Variants in L2HGDH observed in about 807,000 individuals in gnomAD.
L2HGDH encodes L-2-hydroxyglutarate dehydrogenase, mitochondrial.
Under a neutral mutation model 51.5 loss-of-function variants are expected in L2HGDH, and 34 were observed. The ratio of observed to expected loss-of-function variants is 0.66; its 90% CI spans 0.50 to 0.88. The LOEUF (loss-of-function observed/expected upper bound fraction) is 0.88, where lower values mean the gene tolerates loss of function less well. L2HGDH is among the 40% of genes least tolerant of loss of function. L2HGDH has a pLI of 0.00. For synonymous variants in L2HGDH, 198 were observed against 197.9 expected (o/e 1.00, Z -0.01); for missense variants, 558 against 571.9 (o/e 0.98, Z 0.25).
At chr14:50,249,661 A>T (rs146947562) in intron 9 of L2HGDH, among the ~76,000 whole-genome samples, 1 of 152,254 alleles carries the variant, frequency 6.6e-6, no homozygotes, top group African/African-American at 2.4e-5. Context: ...ATACCCAAGG[A>T]GTGCGTCATG....
chr14:50,302,280 C>A (rs1240539599), intron 2 of L2HGDH, 112 bp from the exon 3 acceptor site: 2 of 1,174,498 alleles, frequency 1.7e-6, no homozygotes, highest in Non-Finnish European at 2.5e-6. Flanking sequence ...ATGTAAAATT[C>A]TGCCTGAATT....
chr14:50,301,395 A>G (rs1463262338), intron 3 of L2HGDH, among the ~76,000 whole-genome samples: 1 of 152,170 alleles, frequency 6.6e-6, no homozygotes, highest in African/African-American at 2.4e-5. Context: ...AGCATTATCC[A>G]TAATAGCCAA....
intron 6 of L2HGDH, among the ~76,000 whole-genome samples, chr14:50,278,165 T>C (rs1472651139): frequency 6.6e-6 from 1 of 152,196 alleles, no homozygotes; most frequent in Non-Finnish European, 1.5e-5. Flanking sequence ...AAGCAGTCCA[T>C]CTCCCTCTGG....
chr14:50,257,326 T>C (rs868775373), intron 9 of L2HGDH, among the ~76,000 whole-genome samples: 1 of 152,120 alleles, frequency 6.6e-6, no homozygotes, highest in Non-Finnish European at 1.5e-5. Context: ...CCTCTTAAGG[T>C]AGGTCTAACC....
At chr14:50,297,612 A>G (rs562233346) in intron 3 of L2HGDH, among the ~76,000 whole-genome samples, 36 of 152,370 alleles carry the variant, frequency 2.4e-4, no homozygotes, top group African/African-American at 7.7e-4. Context: ...GCTACAGAAT[A>G]TATATTCTTC....
chr14:50,304,849 G>A (rs1244477163), intron 1 of L2HGDH, among the ~76,000 whole-genome samples: 1 of 151,860 alleles, frequency 6.6e-6, no homozygotes, highest in African/African-American at 2.4e-5. Context: ...AAAAAATTTA[G>A]AACAACCATG....
intron 7 of L2HGDH, 127 bp downstream of exon 7, chr14:50,269,036 T>A: frequency 1.3e-6 from 1 of 749,038 alleles, no homozygotes; most frequent in Non-Finnish European, 2.3e-6. Context: ...GAGAAACCGA[T>A]GAAATGCTTA....
At chr14:50,253,695 G>C (rs1276976737) in intron 9 of L2HGDH, among the ~76,000 whole-genome samples, 4 of 152,072 alleles carry the variant, frequency 2.6e-5, no homozygotes, top group Non-Finnish European at 1.5e-5. Context: ...ATACCCAAAA[G>C]AAAGGAAATC....
At position 50,245,520 on chromosome 14, in the gene L2HGDH, A is replaced by G; in HGVS notation, c.*1538T>C. ...TTCCTACAAATATTATAATTAAGAT[A>G]GAAACTTATTCAAACTACTCAAAAA... On this transcript the variant is annotated 3_prime_UTR_variant, in exon 10 of 10. Transcript: ENST00000267436. The G allele has an allele frequency of 6.2e-6, 6 of 972,088 alleles. No homozygotes were observed. The highest frequency in any genetic ancestry group is 7.3e-6 in the Non-Finnish European group (6 of 817,772). The allele number at this position is 972,088 out of a possible 1,614,324, so 60.2% of individuals were successfully genotyped here. A position where few individuals can be genotyped will look rare whatever the true frequency, so the allele number is the denominator to read the frequency against.
chr14:50,307,573 T>C (rs1157671629), intron 1 of L2HGDH, among the ~76,000 whole-genome samples: 1 of 152,208 alleles, frequency 6.6e-6, no homozygotes, highest in Non-Finnish European at 1.5e-5. Flanking sequence ...TTTCTTAAGC[T>C]TTTTATGGAA....
chr14:50,280,683 T>A lies in L2HGDH; in HGVS notation c.704-2129A>T, dbSNP rs552060408. On this transcript the variant is annotated intron_variant, in intron 5 of 9. Transcript: ENST00000267436. ...ATTATTTTATTTAATTAAAAAAAAA[T>A]TTTTATGTTTAGTAAAGATGGGGTC... Among the ~76,000 whole-genome samples, 12 of 152,148 alleles carry A rather than the reference T, an allele frequency of 7.9e-5. No homozygotes were observed. The East Asian group carries it at 1.7e-3, about 22-fold the overall frequency.
At chr14:50,280,381 G>T (rs1300313882) in intron 5 of L2HGDH, among the ~76,000 whole-genome samples, 1 of 152,082 alleles carries the variant, frequency 6.6e-6, no homozygotes, top group East Asian at 1.9e-4. Flanking sequence ...GGCCAAGCTG[G>T]TCTGGAACTC....
At chr14:50,249,388 G>GT (rs1888204314) in intron 9 of L2HGDH, among the ~76,000 whole-genome samples, 1 of 152,178 alleles carries the variant, frequency 6.6e-6, no homozygotes, top group Non-Finnish European at 1.5e-5. Context: ...TGCAATAGAA[G>GT]TGACTCCTTT....
intron 8 of L2HGDH, among the ~76,000 whole-genome samples, chr14:50,267,339 C>T (rs944677366): frequency 1.2e-4 from 19 of 152,050 alleles, no homozygotes; most frequent in Admixed American, 6.6e-4. Flanking sequence ...CCAGCCACCA[C>T]GCCTAGCTAA....
intron 4 of L2HGDH, among the ~76,000 whole-genome samples, chr14:50,287,691 CTTTTTTTTTTTTT>C (rs911689718): frequency 2.3e-5 from 2 of 85,276 alleles, no homozygotes; most frequent in African/African-American, 9.9e-5. Context: ...TATTTTTTTC[CTTTTTTTTTTTTT>C]TTTTTTTTTT....
At chr14:50,299,765 A>G (rs1468299868) in intron 3 of L2HGDH, 2 of 154,452 alleles carry the variant, frequency 1.3e-5, no homozygotes, top group African/African-American at 4.8e-5. Context: ...CTGTAATCCC[A>G]ACACTGTGGG....
At chr14:50,265,247 T>G in intron 9 of L2HGDH, 111 bp downstream of exon 9, 1 of 887,944 alleles carries the variant, frequency 1.1e-6, no homozygotes, top group Non-Finnish European at 1.8e-6. Context: ...AAAAATTCAG[T>G]GCATATGCAG....
rs1887918894 is a variant in L2HGDH, at chr14:50,244,516, G to GA, written c.*2541dup. On this transcript the variant is annotated 3_prime_UTR_variant, in exon 10 of 10. Transcript: ENST00000267436. ...CTCTTAGTAATCTTGTAATGGAACA[G>GA]AAAAATATCCTGTGTTTGCATTTCT... 2 of 985,286 alleles carry GA rather than the reference G, an allele frequency of 2.0e-6. No individual in the cohort carries two copies. Among genetic ancestry groups the GA allele is most frequent in the Non-Finnish European group, 2.4e-6 (2 of 829,922 alleles). 61.0% of individuals were successfully genotyped at this position (985,286 alleles called of 1,614,324 possible). A position where few individuals can be genotyped will look rare whatever the true frequency, so the allele number is the denominator to read the frequency against.
chr14:50,302,519 T>C (rs375033694), intron 2 of L2HGDH, among the ~76,000 whole-genome samples: 1 of 151,984 alleles, frequency 6.6e-6, no homozygotes, highest in Admixed American at 6.6e-5. Flanking sequence ...CCTCAACCAA[T>C]AGAGAGAAGA....
Sources: gnomAD v4.1 joint callset for allele counts (sites outside exome capture counted in the v4.1 genomes callset) on GRCh38, gnomAD v4.1.1 for gene constraint, MANE v1.5 for transcripts, NCBI Gene and HGNC (gene_info 2026-07-23, HGNC 2026-07-21) for gene names.